The following CNTN1 variants were observed in gnomAD, a reference collection of about 807,000 sequenced individuals.
The protein encoded by CNTN1 is contactin 1.
CNTN1 carries 38 observed loss-of-function variants against 126.4 expected under a neutral mutation model. The ratio of observed to expected loss-of-function variants is 0.30; its 90% CI spans 0.23 to 0.39. The LOEUF is 0.39. Among genes scored for constraint, CNTN1 ranks in the 10% least tolerant of loss-of-function variants. The pLI is 1.00. For missense variants in CNTN1, 1,009 were observed against 1,248.4 expected, an observed-to-expected ratio of 0.81 and a Z score of 2.89; for synonymous variants, 413 against 422.6, an observed-to-expected ratio of 0.98 and a Z score of 0.28.
At chr12:40,757,963 A>G (rs1471703702) in intron 1 of CNTN1, among the ~76,000 whole-genome samples, 4 of 151,820 alleles carry the variant, frequency 2.6e-5, no homozygotes, top group Non-Finnish European at 5.9e-5. Flanking sequence ...ATGGTATAGT[A>G]GAATGAGCAC....
rs1238213680 is a variant in CNTN1, at chr12:40,941,380, G to T, written c.1379+1895G>T. On this transcript the variant is annotated intron_variant, in intron 12 of 23. Coordinates refer to ENST00000551295, the MANE Select transcript of CNTN1 (RefSeq NM_001843.4). Reference sequence around the variant, plus strand: ...TCTATTTTGAAAAAGAATACACAAGGACTAACTAAATATTGGTCTTTAAGC... The same window carrying T: ...TCTATTTTGAAAAAGAATACACAAGTACTAACTAAATATTGGTCTTTAAGC... Among the ~76,000 whole-genome samples the T allele has an allele frequency of 2.0e-5, 3 of 151,850 alleles. No homozygotes were observed. The East Asian group carries it at 5.8e-4, about 29-fold the overall frequency.
intron 20 of CNTN1, among the ~76,000 whole-genome samples, chr12:41,023,260 G>T (rs990135466): frequency 2.0e-5 from 3 of 152,168 alleles, no homozygotes; most frequent in African/African-American, 7.2e-5. Context: ...CTGCCTGATT[G>T]ACACCATCTC....
intron 1 of CNTN1, among the ~76,000 whole-genome samples, chr12:40,698,488 G>A (rs1221748586): frequency 6.6e-6 from 1 of 151,756 alleles, no homozygotes; most frequent in Admixed American, 6.6e-5. Flanking sequence ...CGCCCGCCTC[G>A]GCCTCCCAAA....
chr12:40,706,139 T>C (rs1208766614), intron 1 of CNTN1, among the ~76,000 whole-genome samples: 5 of 151,754 alleles, frequency 3.3e-5, no homozygotes, highest in African/African-American at 4.8e-5. Context: ...TATTATACTT[T>C]AAGTTCTAGG....
intron 16 of CNTN1, 150 bp from the exon 17 acceptor site, chr12:40,992,970 A>G (rs1302482496): frequency 1.5e-6 from 1 of 677,840 alleles, no homozygotes; most frequent in Non-Finnish European, 2.5e-6. Flanking sequence ...ACTCCCTTGA[A>G]TTTAACATTT....
intron 1 of CNTN1, among the ~76,000 whole-genome samples, chr12:40,726,022 G>A (rs1942343427): frequency 1.3e-5 from 2 of 151,976 alleles, no homozygotes; most frequent in Non-Finnish European, 2.9e-5. Flanking sequence ...AATAACTGAT[G>A]AGAAGACATC....
At chr12:40,947,546 A>G (rs1367486785) in intron 14 of CNTN1, among the ~76,000 whole-genome samples, 1 of 151,932 alleles carries the variant, frequency 6.6e-6, no homozygotes, top group African/African-American at 2.4e-5. Context: ...GAAAAGACTT[A>G]AGACAATCTA....
intron 1 of CNTN1, among the ~76,000 whole-genome samples, chr12:40,738,227 G>A (rs11837062): frequency 0.015 from 2,326 of 151,918 alleles, 23 homozygotes; most frequent in African/African-American, 0.027. Flanking sequence ...CATAGAGCTC[G>A]GAAACTTATA....
intron 17 of CNTN1, among the ~76,000 whole-genome samples, chr12:41,002,706 T>C (rs901032798): frequency 6.6e-6 from 1 of 151,784 alleles, no homozygotes; most frequent in African/African-American, 2.4e-5. Context: ...CACAGGTGCC[T>C]ACCACCACGC....
chr12:40,899,594 G>A (rs1205743301), intron 1 of CNTN1, among the ~76,000 whole-genome samples: 4 of 152,208 alleles, frequency 2.6e-5, no homozygotes, highest in South Asian at 4.2e-4. Flanking sequence ...GTGTGGCCCT[G>A]GAACACATTT....
At chr12:41,033,911 G>A (rs1357784076) in intron 23 of CNTN1, among the ~76,000 whole-genome samples, 3 of 151,334 alleles carry the variant, frequency 2.0e-5, no homozygotes, top group Non-Finnish European at 2.9e-5. Flanking sequence ...TTAGCCGGGC[G>A]TGGTGGCGGG....
At chr12:40,738,848 C>T (rs907257540) in intron 1 of CNTN1, among the ~76,000 whole-genome samples, 2 of 151,972 alleles carry the variant, frequency 1.3e-5, no homozygotes, top group Admixed American at 6.6e-5. Flanking sequence ...TACCTGTAGT[C>T]GATGGGATTT....
intron 15 of CNTN1, among the ~76,000 whole-genome samples, chr12:40,974,634 T>C (rs1947622130): frequency 6.6e-6 from 1 of 152,096 alleles, no homozygotes; most frequent in South Asian, 2.1e-4. Flanking sequence ...GTTTTTAGGA[T>C]AGTTGTTGAA....
chr12:40,834,821 C>T (rs1941986473), intron 1 of CNTN1, among the ~76,000 whole-genome samples: 1 of 152,042 alleles, frequency 6.6e-6, no homozygotes, highest in Admixed American at 6.6e-5. Context: ...TGATGATCAT[C>T]TTCTATAGAA....
chr12:41,019,802 A>G (rs964657405), intron 19 of CNTN1, among the ~76,000 whole-genome samples: 2 of 152,168 alleles, frequency 1.3e-5, no homozygotes, highest in Non-Finnish European at 2.9e-5. Context: ...TAAAAAGGGA[A>G]GTTTTATTAA....
At chr12:40,806,032 A>T (rs1565761707) in intron 1 of CNTN1, among the ~76,000 whole-genome samples, 1 of 152,110 alleles carries the variant, frequency 6.6e-6, no homozygotes, top group African/African-American at 2.4e-5. Context: ...CTTTGCACAG[A>T]TGATATCTCT....
In CNTN1 at chr12:40,890,616, C is replaced by A. The variant is rs991265108; in HGVS notation, c.-76-17741C>A. ...GAAATCATACAGTATATAGTCTTTT[C>A]ATATTGAATTCTTTCACTTAGTAAT... On this transcript the variant is annotated intron_variant, in intron 1 of 23. Coordinates refer to ENST00000551295, the MANE Select transcript of CNTN1 (RefSeq NM_001843.4). Among the ~76,000 whole-genome samples, 3 of 152,218 alleles carry A rather than the reference C, an allele frequency of 2.0e-5. No individual in the cohort carries two copies. In the East Asian group the frequency reaches 5.8e-4, roughly 29 times the overall value.
At chr12:40,851,274 T>C (rs1307561697) in intron 1 of CNTN1, among the ~76,000 whole-genome samples, 1 of 152,234 alleles carries the variant, frequency 6.6e-6, no homozygotes, top group Non-Finnish European at 1.5e-5. Flanking sequence ...TTGTATATAC[T>C]CTTTTCACTT....
At chr12:40,908,306 C>CTCCTTCCTTCCCG in intron 1 of CNTN1, 51 bp from the exon 2 acceptor site, 2 of 647,900 alleles carry the variant, frequency 3.1e-6, no homozygotes. Context: ...CTTCCTTCCC[C>CTCCTTCCTTCCCG]TCTCCTTCCT....
Sources: gnomAD v4.1 joint callset for allele counts (sites outside exome capture counted in the v4.1 genomes callset) on GRCh38, gnomAD v4.1.1 for gene constraint, MANE v1.5 for transcripts, NCBI Gene and HGNC (gene_info 2026-07-23, HGNC 2026-07-21) for gene names.